The following BFSP2 variants were observed in gnomAD, a reference collection of about 807,000 sequenced individuals.
BFSP2 encodes the protein phakinin.
A neutral mutation model predicts 44.9 loss-of-function variants in BFSP2; 38 were observed. That is an observed-to-expected ratio of 0.85 (90% CI 0.65 to 1.11). The LOEUF is 1.11. Among genes scored for constraint, BFSP2 ranks in the 50% least tolerant of loss-of-function variants. The probability of loss-of-function intolerance (pLI) is 0.00; values close to 1 mark genes in which losing one functional copy is unlikely to be tolerated. For synonymous variants in BFSP2, 197 were observed against 209.9 expected, an observed-to-expected ratio of 0.94 and a Z score of 0.53; for missense variants, 525 against 533.0, an observed-to-expected ratio of 0.99 and a Z score of 0.15.
chr3:133,423,722 G>A (rs2073615720), intron 1 of BFSP2, among the ~76,000 whole-genome samples: 1 of 152,078 alleles, frequency 6.6e-6, no homozygotes. Flanking sequence ...CCGGGCTACC[G>A]CCTCTGACCT....
chr3:133,443,319 C>T (rs1164992193), intron 1 of BFSP2, among the ~76,000 whole-genome samples: 1 of 151,890 alleles, frequency 6.6e-6, no homozygotes, highest in African/African-American at 2.4e-5. Context: ...ACATACAATG[C>T]CATTTAAATC....
intron 1 of BFSP2, among the ~76,000 whole-genome samples, chr3:133,404,641 C>G (rs932243550): frequency 4.6e-5 from 7 of 152,190 alleles, no homozygotes; most frequent in Non-Finnish European, 1.5e-5. Flanking sequence ...AATTAAATAG[C>G]AGATAAAAAT....
intron 4 of BFSP2, among the ~76,000 whole-genome samples, chr3:133,451,488 A>T (rs950691271): frequency 6.6e-6 from 1 of 152,252 alleles, no homozygotes; most frequent in Non-Finnish European, 1.5e-5. Flanking sequence ...TGTAGCCAAT[A>T]GGTAGCTAAT....
rs547541176 is a variant in BFSP2 at position 133,402,386 on chromosome 3, A to G, written c.489+1814A>G. Reference sequence around the variant, plus strand: ...CTTACATATTCCAGCAAATCTGTAGACAAATAAGAGCCTGGCTCCTGCTTA... The same window carrying G: ...CTTACATATTCCAGCAAATCTGTAGGCAAATAAGAGCCTGGCTCCTGCTTA... On this transcript the variant is annotated intron_variant, in intron 1 of 6. Transcript: ENST00000302334. Among the ~76,000 whole-genome samples the G allele has an allele frequency of 5.3e-5, 8 of 152,298 alleles. No homozygotes were observed. In the South Asian group the frequency reaches 1.7e-3, roughly 32 times the overall value.
chr3:133,425,807 G>GGTAGGGAAGGGAAATAAA (rs2073641692), intron 1 of BFSP2, among the ~76,000 whole-genome samples: 1 of 120,452 alleles, frequency 8.3e-6, no homozygotes, highest in Non-Finnish European at 1.6e-5. Context: ...AGGGAAGAAG[G>GGTAGGGAAGGGAAATAAA]GAAGGGAAGG....
rs561143614 is a variant in BFSP2 at position 133,401,814 on chromosome 3, G to C, written c.489+1242G>C. Among the ~76,000 whole-genome samples the C allele has an allele frequency of 6.6e-5, 10 of 152,256 alleles. No individual in the cohort carries two copies. The South Asian group carries it at 2.1e-3, about 32-fold the overall frequency. Reference sequence around the variant, plus strand: ...AAATTTTATTTGTGTATAGCTGGGGGAAGCTAAGCAGTTGCACACAGGGAC... The same window carrying C: ...AAATTTTATTTGTGTATAGCTGGGGCAAGCTAAGCAGTTGCACACAGGGAC... On this transcript the variant is annotated intron_variant, in intron 1 of 6. Transcript: ENST00000302334.
At chr3:133,413,652 G>T (rs10935059) in intron 1 of BFSP2, among the ~76,000 whole-genome samples, 128,325 of 151,872 alleles carry the variant, frequency 0.84, 55,435 homozygotes, top group Non-Finnish European at 0.93. Context: ...AAGACTCATT[G>T]ATCTGGTTGT....
chr3:133,440,208 C>G (rs1428564167), intron 1 of BFSP2, among the ~76,000 whole-genome samples: 3 of 90,424 alleles, frequency 3.3e-5, no homozygotes, highest in Admixed American at 2.1e-4. Flanking sequence ...ATGAGAATAG[C>G]ACGGGAAAAC....
At chr3:133,430,158 T>A (rs1408460091) in intron 1 of BFSP2, among the ~76,000 whole-genome samples, 2 of 152,262 alleles carry the variant, frequency 1.3e-5, no homozygotes, top group South Asian at 4.1e-4. Flanking sequence ...TCTATCATTG[T>A]TGGACATTTG....
chr3:133,444,722 C>T (rs770629872), intron 1 of BFSP2, among the ~76,000 whole-genome samples: 3 of 152,060 alleles, frequency 2.0e-5, no homozygotes, highest in Admixed American at 6.6e-5. Flanking sequence ...CTGTTCTATC[C>T]CCCAAATGCA....
At chr3:133,459,203 GTGTAGAAGCACGCAAC>G (rs2074040330) in intron 4 of BFSP2, among the ~76,000 whole-genome samples, 1 of 152,094 alleles carries the variant, frequency 6.6e-6, no homozygotes, top group South Asian at 2.1e-4. Context: ...AATTGGTCAG[GTGTAGAAGCACGCAAC>G]TGTAGTCCTA....
At chr3:133,470,072 C>T (rs1252788621) in intron 5 of BFSP2, among the ~76,000 whole-genome samples, 4 of 152,200 alleles carry the variant, frequency 2.6e-5, no homozygotes, top group African/African-American at 7.2e-5. Flanking sequence ...AAATGATGCT[C>T]AAAGTCAAGG....
intron 1 of BFSP2, among the ~76,000 whole-genome samples, chr3:133,434,850 A>G (rs1359633506): frequency 1.3e-5 from 2 of 151,722 alleles, no homozygotes; most frequent in Non-Finnish European, 2.9e-5. Context: ...CCCAAATCTT[A>G]TAAAACGGCC....
intron 1 of BFSP2, among the ~76,000 whole-genome samples, chr3:133,443,295 T>C (rs72980098): frequency 0.13 from 19,237 of 152,102 alleles, 1,532 homozygotes; most frequent in African/African-American, 0.22. Flanking sequence ...CATTTAAATG[T>C]GAAAGTCATT....
chr3:133,457,482 G>A (rs1160777195), intron 4 of BFSP2, among the ~76,000 whole-genome samples: 2 of 151,804 alleles, frequency 1.3e-5, no homozygotes, highest in Admixed American at 1.3e-4. Context: ...TTTTTCTATG[G>A]GGGTCAATCA....
At chr3:133,426,888 G>T (rs571232565) in intron 1 of BFSP2, among the ~76,000 whole-genome samples, 13 of 152,326 alleles carry the variant, frequency 8.5e-5, no homozygotes, top group Admixed American at 3.3e-4. Flanking sequence ...AGTGGTGCTG[G>T]CATTAAGTGG....
intron 1 of BFSP2, among the ~76,000 whole-genome samples, chr3:133,434,123 CTT>C (rs1233482053): frequency 1.3e-5 from 2 of 152,198 alleles, no homozygotes; most frequent in African/African-American, 4.8e-5. Context: ...ACTCTAAACT[CTT>C]GAAGTAAATA....
At chr3:133,452,888 C>A (rs940841484) in intron 4 of BFSP2, among the ~76,000 whole-genome samples, 1 of 152,080 alleles carries the variant, frequency 6.6e-6, no homozygotes. Context: ...AGAAATAAAT[C>A]CTTCATAGTA....
intron 1 of BFSP2, among the ~76,000 whole-genome samples, chr3:133,411,566 C>G (rs1030507706): frequency 1.3e-5 from 2 of 152,022 alleles, no homozygotes; most frequent in Admixed American, 6.5e-5. Context: ...GATTAAGCCT[C>G]AAGATAAAAC....
Sources: allele counts gnomAD v4.1 joint callset (sites outside exome capture counted in the v4.1 genomes callset), GRCh38; gene constraint gnomAD v4.1.1; transcripts MANE v1.5; gene names NCBI Gene and HGNC (gene_info 2026-07-23, HGNC 2026-07-21).